Variants in CAST observed in about 807,000 individuals in gnomAD.
CAST encodes calpastatin, also known as MIR583 host.
CAST carries 76 observed loss-of-function variants against 119.6 expected under a neutral mutation model. The ratio of observed to expected loss-of-function variants is 0.64; its 90% confidence interval spans 0.53 to 0.77. The LOEUF is 0.77. Ranked by LOEUF, CAST falls within the 30% of genes least tolerant of loss-of-function variation. The pLI, the probability that CAST is intolerant of heterozygous loss-of-function variation, is 0.00. For synonymous variants in CAST, 319 were observed against 331.6 expected, an observed-to-expected ratio of 0.96 and a Z score of 0.41; for missense variants, 953 against 946.5, an observed-to-expected ratio of 1.01 and a Z score of -0.09.
At chr5:96,144,708 A>G in the CAST span, among the ~76,000 whole-genome samples, 1 of 149,088 alleles carries the variant, frequency 6.7e-6, no homozygotes, top group East Asian at 2.0e-4. Flanking sequence ...TCATTGTGTC[A>G]CCAAGGTGTA....
At chr5:96,348,308 C>G in the CAST span, among the ~76,000 whole-genome samples, 1 of 151,712 alleles carries the variant, frequency 6.6e-6, no homozygotes, top group South Asian at 2.1e-4. Flanking sequence ...ATATTTTATT[C>G]TACTCTTTGT....
At chr5:96,367,893 A>G in the CAST span, among the ~76,000 whole-genome samples, 2 of 151,864 alleles carry the variant, frequency 1.3e-5, no homozygotes, top group African/African-American at 4.8e-5. Flanking sequence ...GAAATGCAGA[A>G]ATCACCCGTC....
At chr5:96,048,884 G>A in the CAST span, among the ~76,000 whole-genome samples, 1 of 152,316 alleles carries the variant, frequency 6.6e-6, no homozygotes, top group Non-Finnish European at 1.5e-5. Context: ...GTGAAGCAAT[G>A]GCTGGAGAAG....
chr5:96,133,293 G>GAA, the CAST span, among the ~76,000 whole-genome samples: 11 of 142,942 alleles, frequency 7.7e-5, no homozygotes, highest in African/African-American at 2.8e-4. Context: ...AACGCTTTGA[G>GAA]AAAAAAAAAA....
At chr5:96,102,975 A>C in the CAST span, among the ~76,000 whole-genome samples, 2 of 152,050 alleles carry the variant, frequency 1.3e-5, no homozygotes, top group Admixed American at 1.3e-4. Flanking sequence ...TATTGCTATT[A>C]ATTAGTACCT....
At chr5:96,586,233 T>A (rs1036995111) in intron 1 of CAST, among the ~76,000 whole-genome samples, 6 of 152,248 alleles carry the variant, frequency 3.9e-5, no homozygotes, top group Non-Finnish European at 8.8e-5. Context: ...GGTGAAAAGT[T>A]AGTAACTACT....
chr5:96,522,214 G>A (rs906983404), upstream of CAST, among the ~76,000 whole-genome samples: 3 of 152,088 alleles, frequency 2.0e-5, no homozygotes, highest in Admixed American at 1.3e-4. Flanking sequence ...TTCTCAAATC[G>A]GATTGGGTAC....
At chr5:96,017,408 T>C in the CAST span, among the ~76,000 whole-genome samples, 1 of 152,238 alleles carries the variant, frequency 6.6e-6, no homozygotes, top group Admixed American at 6.5e-5. Context: ...TTTAACATTT[T>C]CTAATTTCAC....
At chr5:96,425,056 GAAA>G in the CAST span, among the ~76,000 whole-genome samples, 3 of 120,526 alleles carry the variant, frequency 2.5e-5, no homozygotes, top group Admixed American at 2.4e-4. Context: ...AAGAAAGAAA[GAAA>G]GAAAGAAAGA....
At chr5:96,535,815 C>T (rs771850506) in intron 1 of CAST, among the ~76,000 whole-genome samples, 79 of 150,666 alleles carry the variant, frequency 5.2e-4, no homozygotes, top group Non-Finnish European at 7.7e-4. Flanking sequence ...CCTCGTGATC[C>T]TCCCGCCTCG....
intron 3 of CAST, among the ~76,000 whole-genome samples, chr5:96,716,177 TAAA>T (rs1757153932): frequency 6.6e-6 from 1 of 152,208 alleles, no homozygotes; most frequent in African/African-American, 2.4e-5. Flanking sequence ...AAAAGGTGTT[TAAA>T]GAATGTCCAT....
chr5:96,735,219 A>T (rs1033927846), intron 9 of CAST, among the ~76,000 whole-genome samples: 1 of 152,216 alleles, frequency 6.6e-6, no homozygotes, highest in Non-Finnish European at 1.5e-5. Context: ...CTTCGTATAG[A>T]TTCACTTATC....
At chr5:96,190,033 C>T in the CAST span, among the ~76,000 whole-genome samples, 1 of 151,962 alleles carries the variant, frequency 6.6e-6, no homozygotes, top group Non-Finnish European at 1.5e-5. Flanking sequence ...TTGATTATTC[C>T]AAGTTGGGGG....
chr5:96,673,863 G>C (rs756302343), intron 1 of CAST, among the ~76,000 whole-genome samples: 31 of 152,132 alleles, frequency 2.0e-4, no homozygotes, highest in Non-Finnish European at 3.4e-4. Context: ...CCCTTGACTA[G>C]GATGTATAGG....
At chr5:96,667,540 T>A (rs556498515) in intron 1 of CAST, among the ~76,000 whole-genome samples, 1 of 152,326 alleles carries the variant, frequency 6.6e-6, no homozygotes, top group South Asian at 2.1e-4. Context: ...AGATGCCACC[T>A]CTGAAAATTG....
At chr5:96,390,849 T>A in the CAST span, 2 of 152,654 alleles carry the variant, frequency 1.3e-5, no homozygotes, top group Admixed American at 1.3e-4. Context: ...ACATTCAATA[T>A]GATTTTATTT....
At chr5:96,321,059 G>A in the CAST span, among the ~76,000 whole-genome samples, 1 of 152,302 alleles carries the variant, frequency 6.6e-6, no homozygotes, top group Admixed American at 6.5e-5. Context: ...GCACAGCCTG[G>A]TAAAGGTGAG....
chr5:96,665,595 T>C (rs1420872918), intron 1 of CAST, among the ~76,000 whole-genome samples: 1 of 152,148 alleles, frequency 6.6e-6, no homozygotes, highest in East Asian at 1.9e-4. Context: ...ATGGGATTTA[T>C]GGACTGCTTT....
chr5:96,429,386 TCA>T, the CAST span: 1 of 848,320 alleles, frequency 1.2e-6, no homozygotes. Context: ...AGTTTAAAAC[TCA>T]GCTAACTTAG....
Sources: gnomAD v4.1 joint callset for allele counts (sites outside exome capture counted in the v4.1 genomes callset) on GRCh38, gnomAD v4.1.1 for gene constraint, MANE v1.5 for transcripts, NCBI Gene and HGNC (gene_info 2026-07-23, HGNC 2026-07-21) for gene names.